The following OR51B5 variants were observed in gnomAD, a reference collection of about 807,000 sequenced individuals.
OR51B5 encodes the protein olfactory receptor family 51 subfamily B member 5.
For missense variants in OR51B5, 456 were observed against 374.6 expected, an observed-to-expected ratio of 1.22 and a Z score of -1.79; for synonymous variants, 186 against 144.8, an observed-to-expected ratio of 1.28 and a Z score of -2.04.
At chr11:5,384,955 T>G (rs1213704772) in intron 1 of OR51B5, among the ~76,000 whole-genome samples, 2 of 152,196 alleles carry the variant, frequency 1.3e-5, no homozygotes. Flanking sequence ...GTGCAGCGTC[T>G]TTTGCATATT....
chr11:5,439,178 G>A (rs1392792840), intron 1 of OR51B5, among the ~76,000 whole-genome samples: 1 of 152,004 alleles, frequency 6.6e-6, no homozygotes, highest in African/African-American at 2.4e-5. Context: ...AATTTTCAAT[G>A]TCAAGTAGTT....
chr11:5,410,291 G>T (rs1039454599), intron 1 of OR51B5, among the ~76,000 whole-genome samples: 1 of 152,044 alleles, frequency 6.6e-6, no homozygotes, highest in African/African-American at 2.4e-5. Flanking sequence ...AACTATAATT[G>T]TGGCAGGAAT....
At chr11:5,340,357 TTATCTA>T (rs1379520434), downstream of OR51B5, 1 of 152,138 alleles carries the variant, frequency 6.6e-6, no homozygotes, top group Non-Finnish European at 1.5e-5. Context: ...TATCATTTCT[TTATCTA>T]TAATTTACTC....
intron 1 of OR51B5, among the ~76,000 whole-genome samples, chr11:5,502,424 C>G (rs746011211): frequency 2.6e-5 from 4 of 152,150 alleles, no homozygotes; most frequent in Non-Finnish European, 5.9e-5. Context: ...AGACATTTTT[C>G]CCCTAGCTCT....
intron 1 of OR51B5, among the ~76,000 whole-genome samples, chr11:5,496,839 G>C (rs1364020794): frequency 6.6e-6 from 1 of 152,150 alleles, no homozygotes; most frequent in Non-Finnish European, 1.5e-5. Flanking sequence ...ATAGCACTTG[G>C]GAGAAGAAGA....
At chr11:5,489,255 G>A in intron 1 of OR51B5, 3 of 1,614,016 alleles carry the variant, frequency 1.9e-6, no homozygotes. Flanking sequence ...CATACTGTGA[G>A]CATATGGGCA....
At position 5,493,899 on chromosome 11, in the gene OR51B5, CTTGT is replaced by C. The variant is rs199993221; in HGVS notation, n.84+11666_84+11669del. 3.7e-3 allele frequency among the ~76,000 whole-genome samples: 556 copies of C among 152,248 alleles called. 3 individuals carry two copies. The highest frequency in any genetic ancestry group is 3.0e-3 in the Non-Finnish European group (207 of 68,014). On this transcript the variant is annotated intron_variant and non_coding_transcript_variant, in intron 1 of 4. Transcript: ENST00000415970. ...AACATTTAGATCCCTCTGCAATTAC[CTTGT>C]TTATCATATATTCATATATATTTTT...
intron 1 of OR51B5, among the ~76,000 whole-genome samples, chr11:5,360,306 C>A (rs1401668823): frequency 2.0e-5 from 3 of 152,034 alleles, no homozygotes; most frequent in Admixed American, 6.6e-5. Flanking sequence ...AAGAAAAAAA[C>A]AACCCCATCA....
rs146649824 is a variant in OR51B5 at position 5,350,447 on chromosome 11, G to T, written n.85-3537C>A. Among the ~76,000 whole-genome samples the T allele has an allele frequency of 4.8e-3, 737 of 152,178 alleles. 7 individuals carry two copies. The highest frequency in any genetic ancestry group is 7.5e-3 in the Non-Finnish European group (509 of 67,984). On this transcript the variant is annotated intron_variant and non_coding_transcript_variant, in intron 1 of 4. Coordinates refer to the OR51B5 transcript ENST00000415970. ...TCCAAACCAACCATAAGAGAAGGTG[G>T]GCCTATTTTCTCTGGCTCATGCCAC...
intron 1 of OR51B5, among the ~76,000 whole-genome samples, chr11:5,397,846 A>C (rs528734713): frequency 1.3e-5 from 2 of 151,622 alleles, no homozygotes; most frequent in Non-Finnish European, 2.9e-5. Context: ...TGTGGCACAT[A>C]TACACCATGG....
chr11:5,468,735 C>T, intron 1 of OR51B5: 1 of 456,516 alleles, frequency 2.2e-6, no homozygotes, highest in South Asian at 1.5e-5. Flanking sequence ...GAGGCAATGG[C>T]CAGCACAGAA....
intron 1 of OR51B5, among the ~76,000 whole-genome samples, chr11:5,364,310 C>T (rs1849333053): frequency 6.6e-6 from 1 of 152,172 alleles, no homozygotes; most frequent in Non-Finnish European, 1.5e-5. Flanking sequence ...CTTGACTTCA[C>T]AAAACCATTG....
chr11:5,466,799 G>GCCACT (rs1851144705), intron 1 of OR51B5, among the ~76,000 whole-genome samples: 1 of 152,154 alleles, frequency 6.6e-6, no homozygotes, highest in Non-Finnish European at 1.5e-5. Context: ...TTTCTTTGAG[G>GCCACT]CCACTTCTGT....
intron 1 of OR51B5, among the ~76,000 whole-genome samples, chr11:5,460,793 T>C (rs182487083): frequency 1.3e-5 from 2 of 152,328 alleles, no homozygotes; most frequent in Admixed American, 6.5e-5. Flanking sequence ...TTAAATGTGA[T>C]ATAAGTTTGG....
chr11:5,441,436 T>C, intron 1 of OR51B5: 4 of 1,613,836 alleles, frequency 2.5e-6, no homozygotes, highest in Non-Finnish European at 2.5e-6. Context: ...GCAACCCAGG[T>C]GAGGCCTGTT....
At chr11:5,483,027 A>C (rs1480520877) in intron 1 of OR51B5, among the ~76,000 whole-genome samples, 1 of 138,456 alleles carries the variant, frequency 7.2e-6, no homozygotes, top group African/African-American at 2.7e-5. Flanking sequence ...AAAGGACTAT[A>C]AATCATGCTG....
intron 1 of OR51B5, among the ~76,000 whole-genome samples, chr11:5,504,772 C>G (rs1304114238): frequency 1.3e-5 from 2 of 152,202 alleles, no homozygotes; most frequent in African/African-American, 4.8e-5. Context: ...GTACCAGGCC[C>G]TACCTTAGCT....
intron 1 of OR51B5, among the ~76,000 whole-genome samples, chr11:5,367,358 C>T (rs1366161412): frequency 2.0e-5 from 3 of 152,074 alleles, no homozygotes; most frequent in Admixed American, 2.0e-4. Flanking sequence ...ATAATGGCTA[C>T]CCTATAGGCA....
At chr11:5,497,019 A>C (rs1230937804) in intron 1 of OR51B5, among the ~76,000 whole-genome samples, 1 of 147,866 alleles carries the variant, frequency 6.8e-6, no homozygotes, top group Non-Finnish European at 1.5e-5. Flanking sequence ...GATCCCATCC[A>C]CAGAAGATGG....
Sources: gnomAD v4.1 joint callset for allele counts (sites outside exome capture counted in the v4.1 genomes callset) on GRCh38, gnomAD v4.1.1 for gene constraint, MANE v1.5 for transcripts, NCBI Gene and HGNC (gene_info 2026-07-23, HGNC 2026-07-21) for gene names.